EFCAB13: variants seen among roughly 807,000 people sequenced by gnomAD.
EFCAB13 encodes EF-hand calcium binding domain 13, also known as EF-hand calcium-binding domain-containing protein 13.
Under a neutral mutation model 110.2 loss-of-function variants are expected in EFCAB13, and 91 were observed. The observed-to-expected ratio is 0.83, with a 90% CI of 0.70 to 0.98. The LOEUF (loss-of-function observed/expected upper bound fraction) is 0.98. Ranked by LOEUF, EFCAB13 falls within the 50% of genes least tolerant of loss-of-function variation. The pLI is 0.00. For synonymous variants in EFCAB13, 323 were observed against 369.9 expected, an observed-to-expected ratio of 0.87 and a Z score of 1.45; for missense variants, 968 against 1,119.4, an observed-to-expected ratio of 0.86 and a Z score of 1.93.
At chr17:47,415,115 T>C (rs1904392393) in intron 23 of EFCAB13, 196 bp downstream of exon 23, 1 of 364,128 alleles carries the variant, frequency 2.7e-6, no homozygotes, top group Non-Finnish European at 5.0e-6. Flanking sequence ...GAAATTATCA[T>C]TCTCAGTAAA....
intron 13 of EFCAB13, among the ~76,000 whole-genome samples, chr17:47,378,280 A>G (rs976818494): frequency 6.6e-6 from 1 of 152,200 alleles, no homozygotes. Context: ...CCAAAGATTA[A>G]TAATTGGAGA....
At position 47,347,865 on chromosome 17, in the gene EFCAB13, A is replaced by G; in HGVS notation, c.575A>G (p.Asn192Ser). ...SKIRSGKIYV[N>S]DLPVILCILR... is the part of the protein sequence containing the mutation. ...ATTCGAAGTGGTAAGATTTATGTGA[A>G]TGATCTTCCAGTGATCCTTTGCATC... Residue 192 changes from asparagine (N) to serine (S), a missense_variant, in exon 9 of 25, where the codon AAT becomes AGT. Asn to Ser is a conservative substitution (Grantham distance 46, BLOSUM62 1). Coordinates refer to ENST00000331493, the MANE Select transcript of EFCAB13 (RefSeq NM_152347.5). 6.5e-7 allele frequency: 1 copy of G among 1,550,220 alleles called. No homozygotes were observed. The highest frequency in any genetic ancestry group is 8.8e-7 in the Non-Finnish European group (1 of 1,138,086).
intron 14 of EFCAB13, among the ~76,000 whole-genome samples, chr17:47,387,096 A>G (rs1456625001): frequency 6.6e-6 from 1 of 152,182 alleles, no homozygotes; most frequent in Non-Finnish European, 1.5e-5. Context: ...CCATCTTGCC[A>G]GCAGTCTCAG....
chr17:47,414,131 T>TA (rs1466174124), intron 22 of EFCAB13, among the ~76,000 whole-genome samples: 2 of 152,200 alleles, frequency 1.3e-5, no homozygotes, highest in Non-Finnish European at 2.9e-5. Context: ...GTTTCTGTGC[T>TA]ACCCAGGTCT....
At chr17:47,395,805 G>A (rs570384445) in intron 16 of EFCAB13, 29 bp from the exon 17 acceptor site, 12 of 1,550,490 alleles carry the variant, frequency 7.7e-6, no homozygotes, top group East Asian at 2.3e-5. Context: ...ATAAGCATTC[G>A]TAAAACTTGT....
intron 23 of EFCAB13, among the ~76,000 whole-genome samples, chr17:47,421,008 C>A (rs1405073045): frequency 2.4e-5 from 3 of 125,054 alleles, no homozygotes; most frequent in Admixed American, 1.5e-4. Context: ...AGCCCCCCGT[C>A]CGGGAGGGAG....
At chr17:47,391,745 G>T (rs1018892432) in intron 15 of EFCAB13, among the ~76,000 whole-genome samples, 165 bp downstream of exon 15, 5 of 151,730 alleles carry the variant, frequency 3.3e-5, no homozygotes, top group Non-Finnish European at 7.4e-5. Context: ...ACACTCAAAA[G>T]CCTGTTATTT....
intron 19 of EFCAB13, among the ~76,000 whole-genome samples, chr17:47,404,290 A>T (rs549486891): frequency 6.6e-6 from 1 of 152,250 alleles, no homozygotes; most frequent in African/African-American, 2.4e-5. Context: ...TGTGAATAGA[A>T]ATCCTAGCTT....
intron 20 of EFCAB13, among the ~76,000 whole-genome samples, chr17:47,405,725 T>G (rs2065801718): frequency 6.6e-6 from 1 of 151,584 alleles, no homozygotes; most frequent in African/African-American, 2.4e-5. Flanking sequence ...TATATAACTT[T>G]TTTCTTTGCT....
chr17:47,415,331 T>C (rs916564599), intron 23 of EFCAB13, among the ~76,000 whole-genome samples: 1 of 152,150 alleles, frequency 6.6e-6, no homozygotes, highest in Non-Finnish European at 1.5e-5. Flanking sequence ...GGCACATGTA[T>C]ACATATGTAA....
At chr17:47,344,976 T>A in intron 7 of EFCAB13, 40 bp from the exon 8 acceptor site, 1 of 1,489,740 alleles carries the variant, frequency 6.7e-7, no homozygotes, top group Admixed American at 1.8e-5. Context: ...AATTTGCATA[T>A]TTTCATTGCC....
chr17:47,391,487 G>A lies in EFCAB13; in HGVS notation c.1633G>A (p.Asp545Asn), dbSNP rs2065707366. The A allele has an allele frequency of 2.5e-6, 4 of 1,589,936 alleles. No homozygotes were observed. Among genetic ancestry groups the A allele is most frequent in the Non-Finnish European group, 3.4e-6 (4 of 1,171,094 alleles). ...AIDKIKDKNV[D>N]YEDLNTCLQN... ...TGATAAAATTAAAGATAAAAATGTG[G>A]ATTATGAGGATCTAAATACTTGTCT... Residue 545 changes from aspartate (D) to asparagine (N), a missense_variant, in exon 15 of 25, where the codon GAT becomes AAT. By Grantham distance (23) the Asp-to-Asn change is conservative. Transcript: ENST00000331493.
At chr17:47,376,864 A>G (rs1241367641) in intron 12 of EFCAB13, among the ~76,000 whole-genome samples, 1 of 152,158 alleles carries the variant, frequency 6.6e-6, no homozygotes, top group Non-Finnish European at 1.5e-5. Flanking sequence ...ACTATTGACT[A>G]GTTGTCTTGT....
At chr17:47,364,738 G>A (rs1385845276) in intron 10 of EFCAB13, among the ~76,000 whole-genome samples, 1 of 152,140 alleles carries the variant, frequency 6.6e-6, no homozygotes, top group African/African-American at 2.4e-5. Flanking sequence ...TCAAATACGG[G>A]TCTGATCATG....
chr17:47,335,441 C>T, intron 5 of EFCAB13, 85 bp downstream of exon 5: 1 of 1,135,238 alleles, frequency 8.8e-7, no homozygotes, highest in Non-Finnish European at 1.2e-6. Flanking sequence ...CTTATGCGTT[C>T]TCATAATGTA....
intron 11 of EFCAB13, among the ~76,000 whole-genome samples, chr17:47,373,225 C>T (rs967885650): frequency 6.6e-6 from 1 of 152,052 alleles, no homozygotes; most frequent in East Asian, 1.9e-4. Flanking sequence ...TTGTATTTTG[C>T]ATTTCTTTCA....
Position 47,402,119 on chromosome 17 carries a change from T to C in EFCAB13, c.1946-13T>C. On this transcript the variant is annotated splice_polypyrimidine_tract_variant and intron_variant, in intron 17 of 24. Coordinates refer to ENST00000331493, the MANE Select transcript of EFCAB13 (RefSeq NM_152347.5). ...TAATGAGGTTGGTCTATTAAAAGTG[T>C]TTTTTCTCACAGAAGGTGACAAAGT... The C allele has an allele frequency of 3.1e-6, 5 of 1,613,230 alleles. No individual in the cohort carries two copies. Among genetic ancestry groups the C allele is most frequent in the Non-Finnish European group, 4.2e-6 (5 of 1,179,318 alleles).
chr17:47,437,831 T>G (rs952572227), intron 24 of EFCAB13, among the ~76,000 whole-genome samples: 2 of 152,180 alleles, frequency 1.3e-5, no homozygotes, highest in African/African-American at 4.8e-5. Context: ...TTTGGTTTTT[T>G]GTTTTTTGTT....
chr17:47,411,460 A>G (rs1252946975), intron 21 of EFCAB13, among the ~76,000 whole-genome samples: 1 of 152,174 alleles, frequency 6.6e-6, no homozygotes, highest in Non-Finnish European at 1.5e-5. Context: ...GAACCTTCTC[A>G]GTGCTTCCAT....
Sources: gnomAD v4.1 joint callset for allele counts (sites outside exome capture counted in the v4.1 genomes callset) on GRCh38, gnomAD v4.1.1 for gene constraint, MANE v1.5 for transcripts, NCBI Gene and HGNC (gene_info 2026-07-23, HGNC 2026-07-21) for gene names.